Variants in ASIC2 observed in about 807,000 individuals in gnomAD.
The protein encoded by ASIC2 is acid sensing ion channel subunit 2, also known as acid-sensing ion channel 2.
A neutral mutation model predicts 57.3 loss-of-function variants in ASIC2; 25 were observed. The ratio of observed to expected loss-of-function variants is 0.44; its 90% CI spans 0.32 to 0.61. The LOEUF (loss-of-function observed/expected upper bound fraction) is 0.61. Ranked by LOEUF, ASIC2 falls within the 20% of genes least tolerant of loss-of-function variation. The pLI, the probability that ASIC2 is intolerant of heterozygous loss-of-function variation, is 0.06. For synonymous variants in ASIC2, 319 were observed against 307.5 expected (o/e 1.04, Z -0.39); for missense variants, 641 against 738.1 (o/e 0.87, Z 1.52).
chr17:33,191,499 C>T (rs961399049), intron 1 of ASIC2, among the ~76,000 whole-genome samples: 5 of 150,744 alleles, frequency 3.3e-5, no homozygotes, highest in African/African-American at 1.2e-4. Flanking sequence ...GATCATACCT[C>T]AATACAGCCA....
At chr17:33,039,874 A>G (rs2091923354) in intron 3 of ASIC2, among the ~76,000 whole-genome samples, 1 of 151,928 alleles carries the variant, frequency 6.6e-6, no homozygotes. Flanking sequence ...TCTCTCACTC[A>G]TGTGCTCTTA....
At chr17:33,258,216 TAGG>T (rs1482559248) in intron 1 of ASIC2, among the ~76,000 whole-genome samples, 1 of 152,208 alleles carries the variant, frequency 6.6e-6, no homozygotes, top group African/African-American at 2.4e-5. Flanking sequence ...AACGGATCTT[TAGG>T]AGTATCTAGT....
chr17:33,778,548 C>G (rs1911352707), intron 1 of ASIC2, among the ~76,000 whole-genome samples: 1 of 152,172 alleles, frequency 6.6e-6, no homozygotes, highest in South Asian at 2.1e-4. Flanking sequence ...GGGATAAACA[C>G]TTGTCACCAC....
rs1035464952 is a variant in ASIC2, at chr17:33,013,253, C to T, written c.*712G>A. ...CTCCATCGGACAAACATAAAAGCCC[C>T]CCTACCCCAGATAAAAAGAATCAGA... is the stretch of plus-strand genomic sequence containing the variant. On this transcript the variant is annotated 3_prime_UTR_variant, in exon 10 of 10. Coordinates refer to ENST00000225823, the MANE Select transcript of ASIC2 (RefSeq NM_183377.2). 2 of 152,284 alleles carry T rather than the reference C, an allele frequency of 1.3e-5. No individual in the cohort carries two copies. The highest frequency in any genetic ancestry group is 4.8e-5 in the African/African-American group (2 of 41,424). The allele number at this position is 152,284 out of a possible 1,614,324, so 9.4% of individuals were successfully genotyped here.
intron 1 of ASIC2, among the ~76,000 whole-genome samples, chr17:33,488,230 T>C (rs1913638141): frequency 6.6e-6 from 1 of 152,146 alleles, no homozygotes; most frequent in Non-Finnish European, 1.5e-5. Flanking sequence ...TTGCTTTCCG[T>C]TGTGCTCCTT....
chr17:33,979,445 T>C (rs976288276), intron 1 of ASIC2, among the ~76,000 whole-genome samples: 28 of 152,096 alleles, frequency 1.8e-4, no homozygotes, highest in Non-Finnish European at 3.1e-4. Context: ...CGGAGCCTGG[T>C]GTCCCCTGTA....
chr17:34,109,034 ATTTT>A (rs199726091), intron 1 of ASIC2, among the ~76,000 whole-genome samples: 75,127 of 116,606 alleles, frequency 0.64, 21,920 homozygotes, highest in Non-Finnish European at 0.69. Flanking sequence ...TTGTTGATTT[ATTTT>A]ATTTTATTTT....
chr17:33,496,179 C>T (rs1913924289), intron 1 of ASIC2, among the ~76,000 whole-genome samples: 1 of 152,114 alleles, frequency 6.6e-6, no homozygotes, highest in African/African-American at 2.4e-5. Context: ...AAGCCATGGG[C>T]ATTGTCTAGG....
chr17:33,369,294 C>G (rs1180862772), intron 1 of ASIC2, among the ~76,000 whole-genome samples: 1 of 152,164 alleles, frequency 6.6e-6, no homozygotes, highest in African/African-American at 2.4e-5. Context: ...CCTGAATCCA[C>G]TTTGAGAATG....
chr17:33,435,752 A>G (rs1248896490), intron 1 of ASIC2, among the ~76,000 whole-genome samples: 1 of 152,256 alleles, frequency 6.6e-6, no homozygotes, highest in East Asian at 1.9e-4. Flanking sequence ...AAATTATTGA[A>G]TCTAGGCACT....
intron 1 of ASIC2, among the ~76,000 whole-genome samples, chr17:33,269,684 CTCCT>C (rs1174515535): frequency 3.7e-3 from 102 of 27,382 alleles, no homozygotes; most frequent in Middle Eastern, 0.038. Context: ...CCCTCCCTCC[CTCCT>C]GCCTGCCTGC....
intron 1 of ASIC2, among the ~76,000 whole-genome samples, chr17:34,043,602 CT>C (rs761228355): frequency 3.3e-5 from 5 of 152,356 alleles, no homozygotes; most frequent in Middle Eastern, 3.4e-3. Flanking sequence ...GATAAGAACT[CT>C]GTTAATCCAT....
intron 1 of ASIC2, among the ~76,000 whole-genome samples, chr17:33,514,329 C>T (rs1297273970): frequency 1.3e-5 from 2 of 152,156 alleles, no homozygotes; most frequent in Admixed American, 1.3e-4. Flanking sequence ...GAGAAGCACA[C>T]GTTCATGGCC....
At chr17:33,633,125 C>T (rs1906227681) in intron 1 of ASIC2, among the ~76,000 whole-genome samples, 1 of 152,200 alleles carries the variant, frequency 6.6e-6, no homozygotes, top group Non-Finnish European at 1.5e-5. Context: ...TCTCCAAGGA[C>T]TGGTGAGGGT....
rs145139925 is a variant in ASIC2, at chr17:33,111,939, G to A, written c.837C>T (p.Tyr279=). The A allele has an allele frequency of 3.8e-4, 621 of 1,613,588 alleles. No individual in the cohort carries two copies. The highest frequency in any genetic ancestry group is 5.0e-4 in the Middle Eastern group (3 of 6,058). Residue 279 remains tyrosine, a synonymous_variant, in exon 2 of 10, where the codon TAC becomes TAT. Coordinates refer to ENST00000225823, the MANE Select transcript of ASIC2 (RefSeq NM_183377.2). Reference sequence around the variant, plus strand: ...CACCTGTCTCTCCCCAGATGGGCAGGTACTCATCCTGCTGAATGTCCAGCA... The same window carrying A: ...CACCTGTCTCTCCCCAGATGGGCAGATACTCATCCTGCTGAATGTCCAGCA... ...EIMLDIQQDE[Y]LPIWGETEET...
chr17:33,622,791 A>T (rs1905841958), intron 1 of ASIC2, among the ~76,000 whole-genome samples: 1 of 152,224 alleles, frequency 6.6e-6, no homozygotes, highest in Non-Finnish European at 1.5e-5. Context: ...ACAGCTGCAC[A>T]CATACTGACC....
chr17:33,053,342 G>A (rs892344522), intron 3 of ASIC2, among the ~76,000 whole-genome samples: 1 of 152,172 alleles, frequency 6.6e-6, no homozygotes, highest in Non-Finnish European at 1.5e-5. Context: ...ATAACTTGAA[G>A]AGCACTAACT....
intron 1 of ASIC2, among the ~76,000 whole-genome samples, chr17:34,010,643 A>T (rs1039749141): frequency 6.6e-6 from 1 of 152,106 alleles, no homozygotes; most frequent in Admixed American, 6.6e-5. Flanking sequence ...ACAGAGAGGC[A>T]CACAGAAACA....
chr17:34,079,004 G>A (rs968613060), intron 1 of ASIC2: 6 of 152,234 alleles, frequency 3.9e-5, no homozygotes, highest in African/African-American at 1.4e-4. Flanking sequence ...AGGGAGTTAT[G>A]ACAGTGGATT....
Sources: allele counts gnomAD v4.1 joint callset (sites outside exome capture counted in the v4.1 genomes callset), GRCh38; gene constraint gnomAD v4.1.1; transcripts MANE v1.5; gene names NCBI Gene and HGNC (gene_info 2026-07-23, HGNC 2026-07-21).